Variants in LIX1L observed in about 807,000 individuals in gnomAD.
LIX1L encodes LIX1-like protein.
A neutral mutation model predicts 34.0 loss-of-function variants in LIX1L; 20 were observed. The ratio of observed to expected loss-of-function variants is 0.59; its 90% CI spans 0.41 to 0.85. The LOEUF is 0.85. Among genes scored for constraint, LIX1L ranks in the 40% least tolerant of loss-of-function variants. The pLI is 0.00. For synonymous variants in LIX1L, 170 were observed against 187.4 expected, an observed-to-expected ratio of 0.91 and a Z score of 0.76; for missense variants, 397 against 447.0, an observed-to-expected ratio of 0.89 and a Z score of 1.01.
Position 145,936,211 on chromosome 1 carries a change from A to C in LIX1L, c.*99T>G, listed in dbSNP as rs1415161373. 21 of 1,334,684 alleles carry C rather than the reference A, an allele frequency of 1.6e-5. No individual in the cohort carries two copies. Among genetic ancestry groups the C allele is most frequent in the African/African-American group, 3.0e-5 (2 of 67,302 alleles). 82.7% of individuals were successfully genotyped at this position (1,334,684 alleles called of 1,614,324 possible). Reference sequence around the variant, plus strand: ...TATACACATATATATTTTTTAAAGTATAAAAATGAGAAAGTATGTACAAAA... The same window carrying C: ...TATACACATATATATTTTTTAAAGTCTAAAAATGAGAAAGTATGTACAAAA... On this transcript the variant is annotated 3_prime_UTR_variant, in exon 6 of 6. Transcript: ENST00000604000.
chr1:145,957,935 G>C lies in LIX1L; in HGVS notation c.-8C>G. The C allele has an allele frequency of 2.0e-6, 3 of 1,469,944 alleles. No individual in the cohort carries two copies. The highest frequency in any genetic ancestry group is 2.7e-6 in the Non-Finnish European group (3 of 1,112,642). The allele number at this position is 1,469,944 out of a possible 1,614,324, so 91.1% of individuals were successfully genotyped here. A position where few individuals can be genotyped will look rare whatever the true frequency, so the allele number is the denominator to read the frequency against. ...CGCTCGCATAGTCTCCATCCCGGCC[G>C]CCAATGGAGTAGCGCCCCGGAGCCT... On this transcript the variant is annotated 5_prime_UTR_variant, in exon 1 of 6. Coordinates refer to ENST00000604000, the MANE Select transcript of LIX1L (RefSeq NM_153713.3).
At position 145,943,874 on chromosome 1, in the gene LIX1L, CA is replaced by C. The variant is rs1294799465; in HGVS notation, c.457-1022del. 7.1e-3 allele frequency among the ~76,000 whole-genome samples: 920 copies of C among 130,194 alleles called. 4 individuals are homozygous for C. Among genetic ancestry groups the C allele is most frequent in the Non-Finnish European group, 9.4e-3 (561 of 59,766 alleles). 85.4% of individuals were successfully genotyped at this position (130,194 alleles called of 152,430 possible). A position where few individuals can be genotyped will look rare whatever the true frequency, so the allele number is the denominator to read the frequency against. On this transcript the variant is annotated intron_variant, in intron 2 of 5. Transcript: ENST00000604000. ...AACATAGCAAGACCCCTGTCTCTAC[CA>C]AAAAAAAAAAAGAAAAAATTAGCCA...
At position 145,957,738 on chromosome 1, in the gene LIX1L, G is replaced by A. The variant is rs1282042916; in HGVS notation, c.190C>T (p.Leu64=). The A allele has an allele frequency of 1.4e-6, 2 of 1,439,094 alleles. No individual in the cohort carries two copies. Among genetic ancestry groups the A allele is most frequent in the Admixed American group, 2.9e-5 (1 of 34,434 alleles). The allele number at this position is 1,439,094 out of a possible 1,614,324, so 89.1% of individuals were successfully genotyped here. ...CCGGCGGCGCCGGGGGGCAGGGGTA[G>A]TCCTGGGGCCCCAGACAGGAGCAGC... ...PPLLLSGAPG[L]PLPPGAAGSP... The change falls in exon 1 of 6, where the codon CTA becomes TTA. Residue 64 remains leucine (L), a synonymous_variant. Coordinates refer to ENST00000604000, the MANE Select transcript of LIX1L (RefSeq NM_153713.3).
In LIX1L at chr1:145,942,863, G is replaced by C; in HGVS notation, c.457-10C>G. 6.2e-7 allele frequency: 1 copy of C among 1,613,760 alleles called. No individual in the cohort carries two copies. Among genetic ancestry groups the C allele is most frequent in the Non-Finnish European group, 8.5e-7 (1 of 1,179,716 alleles). On this transcript the variant is annotated splice_polypyrimidine_tract_variant and intron_variant, in intron 2 of 5. Transcript: ENST00000604000. Reference sequence around the variant, plus strand: ...CTTTTGTGGGGCAAAACTAGGCAGGGGAGAAAGAGTGAGAATATGTGTATT... The same window carrying C: ...CTTTTGTGGGGCAAAACTAGGCAGGCGAGAAAGAGTGAGAATATGTGTATT...
rs1648638531 is a variant in LIX1L, at chr1:145,936,274, G to C, written c.*36C>G. ...TCTTAGAAAGGAGACATAAAAAAAG[G>C]CTGTGGAAAGCCTGGGGAGTTATGT... On this transcript the variant is annotated 3_prime_UTR_variant, in exon 6 of 6. Transcript: ENST00000604000. The C allele has an allele frequency of 6.2e-7, 1 of 1,601,320 alleles. No homozygotes were observed.
intron 4 of LIX1L, 27 bp downstream of exon 4, chr1:145,937,577 G>A (rs1553758004): frequency 1.4e-6 from 2 of 1,422,230 alleles, no homozygotes; most frequent in South Asian, 2.3e-5. Flanking sequence ...CATGTTATTA[G>A]AACCAGGGAA....
At position 145,936,313 on chromosome 1, in the gene LIX1L, G is replaced by A; in HGVS notation, c.1011C>T (p.Cys337=). ...GGGGAGTTATGTGGGTGGATGCCTA[G>A]CAGTTGGAAGAATGCATATTGCCCA... ...GQLGNMHSSN[C] Residue 337 remains cysteine, a synonymous_variant, in exon 6 of 6, where the codon TGC becomes TGT. Transcript: ENST00000604000. 6.2e-7 allele frequency: 1 copy of A among 1,614,030 alleles called. No individual in the cohort carries two copies. The highest frequency in any genetic ancestry group is 1.1e-5 in the South Asian group (1 of 91,078).
intron 1 of LIX1L, 141 bp downstream of exon 1, chr1:145,957,495 G>T: frequency 1.7e-6 from 2 of 1,202,268 alleles, no homozygotes; most frequent in South Asian, 2.3e-5. Context: ...GTGCGTCTGT[G>T]CGTGTGCGTA....
chr1:145,943,350 GGACTTCATTTTTA>G (rs1341223088), intron 2 of LIX1L, among the ~76,000 whole-genome samples: 1 of 152,094 alleles, frequency 6.6e-6, no homozygotes, highest in Non-Finnish European at 1.5e-5. Context: ...TTGGAATCTC[GGACTTCATTTTTA>G]GCTGTGAGCA....
At position 145,936,557 on chromosome 1, in the gene LIX1L, T is replaced by C; in HGVS notation, c.772-5A>G. On this transcript the variant is annotated splice_region_variant and splice_polypyrimidine_tract_variant and intron_variant, in intron 5 of 5. Coordinates refer to ENST00000604000, the MANE Select transcript of LIX1L (RefSeq NM_153713.3). The stretch of plus-strand genomic sequence containing the variant: ...CGAATAATGAGCCAACACCTCCTAG[T>C]AGGGGAGGGGAATGTGAACATCATT... 6.2e-7 allele frequency: 1 copy of C among 1,613,908 alleles called. No individual in the cohort carries two copies. Among genetic ancestry groups the C allele is most frequent in the East Asian group, 2.2e-5 (1 of 44,878 alleles).
chr1:145,956,045 C>T (rs782210650), intron 1 of LIX1L, among the ~76,000 whole-genome samples: 26 of 152,218 alleles, frequency 1.7e-4, no homozygotes, highest in Non-Finnish European at 2.9e-4. Flanking sequence ...CAAAGACCTT[C>T]CCTTGATCTT....
intron 3 of LIX1L, among the ~76,000 whole-genome samples, chr1:145,939,166 G>A (rs1648781887): frequency 6.6e-6 from 1 of 151,534 alleles, no homozygotes; most frequent in Non-Finnish European, 1.5e-5. Context: ...TTTTTTTGTA[G>A]AGATGAAGTC....
At chr1:145,945,143 C>G (rs1312772167) in intron 2 of LIX1L, among the ~76,000 whole-genome samples, 1 of 151,552 alleles carries the variant, frequency 6.6e-6, no homozygotes, top group Non-Finnish European at 1.5e-5. Flanking sequence ...CCAGCCTGGC[C>G]AACATGGTGA....
intron 3 of LIX1L, among the ~76,000 whole-genome samples, chr1:145,939,638 C>CTT (rs587705670): frequency 2.0e-4 from 27 of 132,748 alleles, no homozygotes; most frequent in African/African-American, 2.8e-4. Flanking sequence ...TTTTCTTTTT[C>CTT]TTTTTTTTTT....
Position 145,948,004 on chromosome 1 carries a change from G to C in LIX1L, c.293-222C>G, listed in dbSNP as rs1280927204. On this transcript the variant is annotated intron_variant, in intron 1 of 5. Transcript: ENST00000604000. The surrounding 1 kb of genome is among the most constrained non-coding windows in gnomAD (Gnocchi z 4.0). ...GCCTGCCCTCCTCCACCACTTTTCTGGTTCACATTTTATTTTATTTAAATT... is the reference window on the plus strand; with the variant it reads ...GCCTGCCCTCCTCCACCACTTTTCTCGTTCACATTTTATTTTATTTAAATT... Among the ~76,000 whole-genome samples the C allele has an allele frequency of 6.6e-6, 1 of 152,106 alleles. No homozygotes were observed. Among genetic ancestry groups the C allele is most frequent in the African/African-American group, 2.4e-5 (1 of 41,406 alleles).
chr1:145,946,831 C>T (rs1649129468), intron 2 of LIX1L, among the ~76,000 whole-genome samples: 1 of 152,116 alleles, frequency 6.6e-6, no homozygotes, highest in Non-Finnish European at 1.5e-5. Flanking sequence ...TTTCACAAAC[C>T]ATATGGAAAA....
chr1:145,940,406 G>A (rs1205772614), intron 3 of LIX1L, among the ~76,000 whole-genome samples: 2 of 147,138 alleles, frequency 1.4e-5, no homozygotes, highest in Admixed American at 6.8e-5. Context: ...GGCGTGCAAT[G>A]GAATGATCTC....
chr1:145,936,711 A>T (rs1648659810), intron 5 of LIX1L, 159 bp from the exon 6 acceptor site: 1 of 879,066 alleles, frequency 1.1e-6, no homozygotes, highest in African/African-American at 1.7e-5. Flanking sequence ...TGCTACGGGA[A>T]GCAAGATAGA....
In LIX1L at chr1:145,957,979, C is replaced by G. The variant is rs1649559222; in HGVS notation, c.-52G>C. The G allele has an allele frequency of 2.6e-5, 33 of 1,284,110 alleles. No individual in the cohort carries two copies. The highest frequency in any genetic ancestry group is 3.2e-5 in the Non-Finnish European group (31 of 979,154). The allele number at this position is 1,284,110 out of a possible 1,614,324, so 79.5% of individuals were successfully genotyped here. On this transcript the variant is annotated 5_prime_UTR_variant, in exon 1 of 6. Transcript: ENST00000604000. ...GGAGCCTGCCAGCCTGCCGAGCTAA[C>G]GGTCCCAACCACCCCAGTCAGCTAG...
Sources: gnomAD v4.1 joint callset for allele counts (sites outside exome capture counted in the v4.1 genomes callset) on GRCh38, gnomAD v4.1.1 for gene constraint, Gnocchi (gnomAD v3.1) non-coding constraint, MANE v1.5 for transcripts, NCBI Gene and HGNC (gene_info 2026-07-23, HGNC 2026-07-21) for gene names.